ANK3: variants seen among roughly 807,000 people sequenced by gnomAD.
The protein encoded by ANK3 is ankyrin 3.
ANK3 carries 57 observed loss-of-function variants against 370.9 expected under a neutral mutation model. That is an observed-to-expected ratio of 0.15 (90% CI 0.12 to 0.19). The LOEUF is 0.19. Among genes scored for constraint, ANK3 ranks in the 10% least tolerant of loss-of-function variants. The pLI is 1.00. For synonymous variants in ANK3, 1,929 were observed against 1,946.3 expected (o/e 0.99, Z 0.23); for missense variants, 4,439 against 5,302.1 (o/e 0.84, Z 5.06).
At position 60,068,945 on chromosome 10, in the gene ANK3, CTGGTGGTGGTGGTAGTGGTGGTAGTGG is replaced by C. The variant is rs762433937; in HGVS notation, c.11909_11935del (p.Thr3970_Thr3978del). The C allele has an allele frequency of 6.2e-6, 10 of 1,613,780 alleles. 1 individual carries two copies. In the African/African-American group the frequency reaches 8.0e-5, roughly 13 times the overall value. On this transcript the variant is annotated inframe_deletion, in exon 37 of 44. Coordinates refer to ENST00000280772, the MANE Select transcript of ANK3 (RefSeq NM_020987.5). ...ACTTTTCCTAACTTTAACTGTGCAG[CTGGTGGTGGTGGTAGTGGTGGTAGTGG>C]TGGTGGTGGTGGCAGTGGTGGTGGT...
chr10:60,130,607 A>G (rs1028603319), intron 25 of ANK3, among the ~76,000 whole-genome samples: 1 of 152,240 alleles, frequency 6.6e-6, no homozygotes, highest in East Asian at 1.9e-4. Context: ...CATTATAAAT[A>G]CAAAATTAGA....
chr10:60,500,636 A>T (rs2075773023), intron 2 of ANK3, among the ~76,000 whole-genome samples: 2 of 152,200 alleles, frequency 1.3e-5, no homozygotes, highest in African/African-American at 4.8e-5. Context: ...TTTTAAGAGG[A>T]TCACTGGCAC....
intron 1 of ANK3, among the ~76,000 whole-genome samples, chr10:60,288,796 A>G (rs2040620409): frequency 6.6e-6 from 1 of 151,898 alleles, no homozygotes; most frequent in African/African-American, 2.4e-5. Flanking sequence ...CAATTAACTG[A>G]TGTCAGATTT....
intron 2 of ANK3, among the ~76,000 whole-genome samples, chr10:60,586,611 C>A (rs1567165749): frequency 6.6e-6 from 1 of 152,140 alleles, no homozygotes; most frequent in Non-Finnish European, 1.5e-5. Flanking sequence ...GCTTGACATC[C>A]AACCAAGATG....
Position 60,027,124 on chromosome 10 carries a change from T to C in ANK3, c.*2722A>G, listed in dbSNP as rs372257068. On this transcript the variant is annotated 3_prime_UTR_variant, in exon 44 of 44. Coordinates refer to ENST00000280772, the MANE Select transcript of ANK3 (RefSeq NM_020987.5). ...ACCTAAAGTCAAATTTTTGGGCATA[T>C]AAACACAACTATTTAATACCTAAAC... is the stretch of plus-strand genomic sequence containing the variant. 7 of 152,108 alleles carry C rather than the reference T, an allele frequency of 4.6e-5. No individual in the cohort carries two copies. Among genetic ancestry groups the C allele is most frequent in the African/African-American group, 1.2e-4 (5 of 41,422 alleles). 9.4% of individuals were successfully genotyped at this position (152,108 alleles called of 1,614,324 possible). A position where few individuals can be genotyped will look rare whatever the true frequency, so the allele number is the denominator to read the frequency against.
Position 60,261,337 on chromosome 10 carries a change from T to C in ANK3, c.798+522A>G, listed in dbSNP as rs920175490. ...GCCATATGACATTGTAATTCCTTTC[T>C]TCAATGGATATGAGCTTACTCAGGT... On this transcript the variant is annotated intron_variant, in intron 7 of 43. Coordinates refer to ENST00000280772, the MANE Select transcript of ANK3 (RefSeq NM_020987.5). 2.6e-5 allele frequency among the ~76,000 whole-genome samples: 4 copies of C among 152,222 alleles called. No individual in the cohort carries two copies. The East Asian group carries it at 7.7e-4, about 29-fold the overall frequency.
At chr10:60,123,191 T>A (rs187387555) in intron 25 of ANK3, among the ~76,000 whole-genome samples, 1 of 152,346 alleles carries the variant, frequency 6.6e-6, no homozygotes, top group Admixed American at 6.5e-5. Context: ...ACGGAATTTT[T>A]AATAATTTTT....
At chr10:60,391,559 T>C (rs973529342), upstream of ANK3, among the ~76,000 whole-genome samples, 3 of 152,234 alleles carry the variant, frequency 2.0e-5, no homozygotes, top group Non-Finnish European at 4.4e-5. Context: ...CAATTTCTTT[T>C]ATTTTCAGCA....
intron 1 of ANK3, among the ~76,000 whole-genome samples, chr10:60,645,409 A>G (rs1450549247): frequency 6.6e-6 from 1 of 152,142 alleles, no homozygotes; most frequent in Admixed American, 6.6e-5. Flanking sequence ...ATAATCTATG[A>G]CAATGAAAAG....
In ANK3 at chr10:60,080,615, C is replaced by T. The variant is rs746879802; in HGVS notation, c.4354G>A (p.Glu1452Lys). Reference sequence around the variant, plus strand: ...AAGCTCTGTCGTCTATCTGTTTTCTCAATCTGAAAAGGAAAAAAAAAAAGA... The same window carrying T: ...AAGCTCTGTCGTCTATCTGTTTTCTTAATCTGAAAAGGAAAAAAAAAAAGA... Reference protein sequence around the residue: ...ETESDQDDEIEKTDRRQSFAS... With the variant: ...ETESDQDDEIKKTDRRQSFAS... Residue 1452 changes from glutamate to lysine, a missense_variant, in exon 36 of 44, where the codon GAG becomes AAG. This residue lies in a region of ANK3 where 679 missense variants were observed against 791.0 expected (regional missense o/e 0.86). Coordinates refer to ENST00000280772, the MANE Select transcript of ANK3 (RefSeq NM_020987.5). 18 of 1,561,414 alleles carry T rather than the reference C, an allele frequency of 1.2e-5. No individual in the cohort carries two copies. In the South Asian group the frequency reaches 2.2e-4, roughly 19 times the overall value.
intron 2 of ANK3, among the ~76,000 whole-genome samples, chr10:60,418,102 C>T (rs1468484736): frequency 2.0e-5 from 3 of 152,156 alleles, no homozygotes; most frequent in Non-Finnish European, 4.4e-5. Context: ...AGTTCTGACT[C>T]ATCATTCCTG....
At chr10:60,427,673 T>TA (rs761575694) in intron 2 of ANK3, among the ~76,000 whole-genome samples, 22 of 152,102 alleles carry the variant, frequency 1.4e-4, no homozygotes, top group Non-Finnish European at 1.8e-4. Flanking sequence ...TTTTGTGATT[T>TA]AAAAAAATTA....
chr10:60,079,208 C>CACACACACACACACACAA (rs1265346360), intron 36 of ANK3, among the ~76,000 whole-genome samples: 2 of 151,282 alleles, frequency 1.3e-5, no homozygotes, highest in East Asian at 3.9e-4. Context: ...CACACACACA[C>CACACACACACACACACAA]ACACACACAC....
chr10:60,646,329 A>T (rs1430214445), intron 1 of ANK3, among the ~76,000 whole-genome samples: 1 of 152,172 alleles, frequency 6.6e-6, no homozygotes, highest in Non-Finnish European at 1.5e-5. Flanking sequence ...TATGCAAAAA[A>T]GTAAGATCAC....
chr10:60,562,789 A>T (rs560263827), intron 2 of ANK3, among the ~76,000 whole-genome samples: 60 of 152,224 alleles, frequency 3.9e-4, no homozygotes, highest in Admixed American at 9.8e-4. Context: ...TTAAAAACTT[A>T]AAAAAAATTA....
intron 2 of ANK3, among the ~76,000 whole-genome samples, chr10:60,446,259 C>T (rs759393909): frequency 1.3e-5 from 2 of 152,142 alleles, no homozygotes; most frequent in Admixed American, 6.5e-5. Flanking sequence ...ATACCTCCTC[C>T]GTCACATTGG....
intron 2 of ANK3, among the ~76,000 whole-genome samples, chr10:60,433,161 AG>A (rs2064072852): frequency 6.6e-6 from 1 of 151,034 alleles, no homozygotes; most frequent in Non-Finnish European, 1.5e-5. Flanking sequence ...ACACTGAAAA[AG>A]AGAACATAAG....
At chr10:60,578,374 G>A (rs2077707719) in intron 2 of ANK3, among the ~76,000 whole-genome samples, 1 of 152,098 alleles carries the variant, frequency 6.6e-6, no homozygotes, top group Non-Finnish European at 1.5e-5. Context: ...TTCTCTAGAG[G>A]CCCAGTGATA....
chr10:60,151,918 G>C (rs965267520), intron 23 of ANK3, among the ~76,000 whole-genome samples: 8 of 152,168 alleles, frequency 5.3e-5, no homozygotes, highest in African/African-American at 1.9e-4. Flanking sequence ...AATGACAATG[G>C]CTCCAATTTA....
Sources: allele counts gnomAD v4.1 joint callset (sites outside exome capture counted in the v4.1 genomes callset), GRCh38; gene constraint gnomAD v4.1.1; regional missense constraint gnomAD v4.1.1; transcripts MANE v1.5; gene names NCBI Gene and HGNC (gene_info 2026-07-23, HGNC 2026-07-21).